Variants in TSEN15 observed in about 807,000 individuals in gnomAD.
The protein encoded by TSEN15 is tRNA splicing endonuclease subunit 15.
In TSEN15, 10 loss-of-function variants were observed where a neutral mutation model predicts 20.5. The ratio of observed to expected loss-of-function variants is 0.49; its 90% CI spans 0.30 to 0.83. The LOEUF is 0.83. Among genes scored for constraint, TSEN15 ranks in the 40% least tolerant of loss-of-function variants. The pLI is 0.06. For synonymous variants in TSEN15, 72 were observed against 80.1 expected, an observed-to-expected ratio of 0.90 and a Z score of 0.54; for missense variants, 180 against 218.6, an observed-to-expected ratio of 0.82 and a Z score of 1.11.
At chr1:184,054,159 A>G (rs1650155680) in intron 1 of TSEN15, among the ~76,000 whole-genome samples, 195 bp from the exon 2 acceptor site, 1 of 152,242 alleles carries the variant, frequency 6.6e-6, no homozygotes, top group Non-Finnish European at 1.5e-5. Context: ...TATTTGCCTA[A>G]CAATTTTAAG....
intron 1 of TSEN15, among the ~76,000 whole-genome samples, chr1:184,053,801 T>C (rs891872190): frequency 6.6e-6 from 1 of 152,242 alleles, no homozygotes; most frequent in Non-Finnish European, 1.5e-5. Context: ...ACTGATACTC[T>C]AGCAGATTCT....
At chr1:184,096,709 A>T (rs1272181064) in exon 4 of TSEN15, 1 of 154,136 alleles carries the variant, frequency 6.5e-6, no homozygotes, top group Non-Finnish European at 1.4e-5. Flanking sequence ...GAAGCCTCAC[A>T]ATCATGGTGG....
intron 3 of TSEN15, among the ~76,000 whole-genome samples, chr1:184,079,299 G>A (rs1651119992): frequency 6.6e-6 from 1 of 152,108 alleles, no homozygotes; most frequent in Admixed American, 6.6e-5. Context: ...GGGTACTAAG[G>A]GGAAGTAATA....
In TSEN15 at chr1:184,087,055, A is replaced by G. The variant is rs552129052; in HGVS notation, c.354-8635A>G. ...TCTAGATACTATGGATTACTGTAGG[A>G]AACTGTCAGTCATTTAGCATGCCTG... On this transcript the variant is annotated intron_variant, in intron 3 of 3. Transcript: ENST00000643231. 6.8e-4 allele frequency among the ~76,000 whole-genome samples: 103 copies of G among 152,334 alleles called. 2 individuals carry two copies. The South Asian group carries it at 0.021, about 31-fold the overall frequency.
At chr1:184,065,950 AT>A (rs1446916302) in intron 3 of TSEN15, among the ~76,000 whole-genome samples, 1 of 152,094 alleles carries the variant, frequency 6.6e-6, no homozygotes, top group East Asian at 1.9e-4. Flanking sequence ...CATGGCTTAT[AT>A]TTTCATTATC....
At chr1:184,072,351 C>G in intron 4 of TSEN15, 53 bp downstream of exon 4, 1 of 1,531,788 alleles carries the variant, frequency 6.5e-7, no homozygotes, top group Non-Finnish European at 8.8e-7. Context: ...AAAATTATGA[C>G]GTGATTTTAA....
At chr1:184,053,340 A>G (rs1650121509) in intron 1 of TSEN15, among the ~76,000 whole-genome samples, 1 of 152,200 alleles carries the variant, frequency 6.6e-6, no homozygotes, top group Non-Finnish European at 1.5e-5. Flanking sequence ...ATTATCCCCA[A>G]ACACACTTTT....
downstream of TSEN15, among the ~76,000 whole-genome samples, chr1:184,076,828 T>C (rs1266259660): frequency 1.3e-5 from 2 of 152,188 alleles, no homozygotes; most frequent in Non-Finnish European, 2.9e-5. Flanking sequence ...AGCAAGGCCC[T>C]AACTCTCTTT....
At chr1:184,084,155 T>C (rs79434633) in intron 3 of TSEN15, among the ~76,000 whole-genome samples, 3,961 of 152,082 alleles carry the variant, frequency 0.026, 176 homozygotes, top group African/African-American at 0.089. Flanking sequence ...TCCTCACACA[T>C]TGAAATGGTT....
downstream of TSEN15, among the ~76,000 whole-genome samples, chr1:184,074,553 C>A (rs1651020727): frequency 1.3e-5 from 2 of 152,096 alleles, no homozygotes; most frequent in South Asian, 4.1e-4. Context: ...TTCCTCAAAG[C>A]CAGCAAAGGA....
downstream of TSEN15, among the ~76,000 whole-genome samples, chr1:184,074,479 T>C (rs1299976299): frequency 6.6e-6 from 1 of 152,178 alleles, no homozygotes; most frequent in Non-Finnish European, 1.5e-5. Context: ...AATGCTTATA[T>C]GCCATTGGCA....
At chr1:184,067,845 C>T (rs1043944510) in intron 3 of TSEN15, among the ~76,000 whole-genome samples, 20 of 148,236 alleles carry the variant, frequency 1.3e-4, no homozygotes, top group Non-Finnish European at 2.5e-4. Context: ...ATTGCTTGAA[C>T]CCAGGAGGTG....
chr1:184,076,847 A>G (rs150538813), downstream of TSEN15, among the ~76,000 whole-genome samples: 477 of 152,302 alleles, frequency 3.1e-3, 2 homozygotes, highest in African/African-American at 7.5e-3. Flanking sequence ...TTTCAATTCT[A>G]TGAAGGCTGA....
chr1:184,071,897 GAC>G (rs1425722471), intron 3 of TSEN15, among the ~76,000 whole-genome samples: 2 of 152,046 alleles, frequency 1.3e-5, no homozygotes, highest in African/African-American at 4.8e-5. Flanking sequence ...CAGATTCAGA[GAC>G]AACAATTTTG....
chr1:184,078,922 G>T (rs1393118809), downstream of TSEN15, among the ~76,000 whole-genome samples: 1 of 151,902 alleles, frequency 6.6e-6, no homozygotes, highest in Non-Finnish European at 1.5e-5. Context: ...TTCCATTGCA[G>T]CCCCTAGCAG....
intron 3 of TSEN15, among the ~76,000 whole-genome samples, chr1:184,056,688 A>T (rs1208877565): frequency 6.6e-6 from 1 of 152,142 alleles, no homozygotes; most frequent in African/African-American, 2.4e-5. Context: ...GGTTAGGGAT[A>T]CCATTGTCAT....
downstream of TSEN15, among the ~76,000 whole-genome samples, chr1:184,078,832 CA>C (rs1651110993): frequency 6.6e-6 from 1 of 152,184 alleles, no homozygotes; most frequent in South Asian, 2.1e-4. Flanking sequence ...AGCCTGGAAC[CA>C]AATGACTTAA....
At position 184,051,821 on chromosome 1, in the gene TSEN15, C is replaced by A. The variant is rs1241602891; in HGVS notation, c.66C>A (p.Arg22=). Residue 22 remains arginine (R), a synonymous_variant, in exon 1 of 5, where the codon CGC becomes CGA. Coordinates refer to ENST00000645668, the MANE Select transcript of TSEN15 (RefSeq NM_052965.4). The stretch of plus-strand genomic sequence containing the variant: ...GCGGCCTGGGTCCGGGCGGTGTTCG[C>A]GGCTTTGGCGACGGCGGTGGAGCTC... The part of the protein sequence containing the change: ...GCSGLGPGGV[R]GFGDGGGAPS... 1 of 1,544,620 alleles carries A rather than the reference C, an allele frequency of 6.5e-7. No homozygotes were observed. The highest frequency in any genetic ancestry group is 8.7e-7 in the Non-Finnish European group (1 of 1,145,228).
intron 3 of TSEN15, among the ~76,000 whole-genome samples, chr1:184,092,413 G>A (rs533143973): frequency 3.3e-5 from 5 of 152,194 alleles, no homozygotes; most frequent in Non-Finnish European, 7.3e-5. Flanking sequence ...TAACTTAGTA[G>A]AAAAGAGAAA....
Sources: gnomAD v4.1 joint callset for allele counts (sites outside exome capture counted in the v4.1 genomes callset) on GRCh38, gnomAD v4.1.1 for gene constraint, MANE v1.5 for transcripts, NCBI Gene and HGNC (gene_info 2026-07-23, HGNC 2026-07-21) for gene names.